The following NEK10 variants were observed in gnomAD, a reference collection of about 807,000 sequenced individuals.
NEK10 encodes serine/threonine-protein kinase Nek10.
In NEK10, 122 loss-of-function variants were observed where a neutral mutation model predicts 159.8. The ratio of observed to expected loss-of-function variants is 0.76; its 90% confidence interval spans 0.66 to 0.89. The LOEUF (loss-of-function observed/expected upper bound fraction) is 0.89, where lower values mean the gene tolerates loss of function less well. Ranked by LOEUF, NEK10 falls within the 40% of genes least tolerant of loss-of-function variation. The probability of loss-of-function intolerance (pLI) is 0.00; values close to 1 mark genes in which losing one functional copy is unlikely to be tolerated. For missense variants in NEK10, 1,342 were observed against 1,323.1 expected (o/e 1.01, Z -0.22); for synonymous variants, 466 against 457.1 (o/e 1.02, Z -0.25).
At chr3:27,139,067 G>A (rs1943517264) in intron 31 of NEK10, among the ~76,000 whole-genome samples, 1 of 152,184 alleles carries the variant, frequency 6.6e-6, no homozygotes, top group Admixed American at 6.5e-5. Flanking sequence ...TTCTGCTACA[G>A]TGCTGATATG....
At chr3:27,313,998 C>T (rs1015475537) in intron 7 of NEK10, among the ~76,000 whole-genome samples, 1 of 152,122 alleles carries the variant, frequency 6.6e-6, no homozygotes, top group African/African-American at 2.4e-5. Flanking sequence ...AGGTGTGAGC[C>T]ACCGCACCTG....
At chr3:27,237,120 C>G (rs111738379) in intron 23 of NEK10, among the ~76,000 whole-genome samples, 3,878 of 152,168 alleles carry the variant, frequency 0.025, 148 homozygotes, top group African/African-American at 0.088. Context: ...TTTATAGGCT[C>G]TCTGCAAGAA....
chr3:27,169,025 G>A (rs886551866), intron 29 of NEK10, among the ~76,000 whole-genome samples: 1 of 152,068 alleles, frequency 6.6e-6, no homozygotes, highest in African/African-American at 2.4e-5. Context: ...TTTTTGTTTG[G>A]TTTTGAAGGG....
At chr3:27,241,136 G>A (rs1954517549) in intron 23 of NEK10, among the ~76,000 whole-genome samples, 2 of 152,076 alleles carry the variant, frequency 1.3e-5, no homozygotes. Flanking sequence ...ACAGACTTCA[G>A]GGACATCTTT....
chr3:27,177,927 T>C (rs1575119910), intron 26 of NEK10, among the ~76,000 whole-genome samples: 1 of 152,250 alleles, frequency 6.6e-6, no homozygotes, highest in East Asian at 1.9e-4. Flanking sequence ...GCTATAATCT[T>C]TTTCACTTTC....
chr3:27,271,826 G>T (rs1372861572), intron 22 of NEK10, among the ~76,000 whole-genome samples: 1 of 151,398 alleles, frequency 6.6e-6, no homozygotes, highest in Non-Finnish European at 1.5e-5. Context: ...AATGACAATA[G>T]AAAACATTTT....
chr3:27,139,402 T>A (rs908420018), intron 31 of NEK10, among the ~76,000 whole-genome samples: 1 of 152,056 alleles, frequency 6.6e-6, no homozygotes, highest in African/African-American at 2.4e-5. Context: ...ACAATGAGGG[T>A]CAAATCCATA....
chr3:27,322,775 G>GT (rs1459187552), intron 5 of NEK10, among the ~76,000 whole-genome samples: 1 of 152,062 alleles, frequency 6.6e-6, no homozygotes, highest in Non-Finnish European at 1.5e-5. Flanking sequence ...TAGAGTACTT[G>GT]TTTTTTTATC....
At chr3:27,141,359 G>A in intron 31 of NEK10, 123 bp downstream of exon 31, 2 of 634,046 alleles carry the variant, frequency 3.2e-6, no homozygotes, top group South Asian at 2.5e-5. Context: ...GTCCCCACAT[G>A]TATGTAGCTG....
chr3:27,203,851 G>T (rs1035785063), intron 23 of NEK10, among the ~76,000 whole-genome samples: 1 of 152,120 alleles, frequency 6.6e-6, no homozygotes, highest in African/African-American at 2.4e-5. Flanking sequence ...ATGATTTCTA[G>T]GTCTATCAGT....
intron 23 of NEK10, among the ~76,000 whole-genome samples, chr3:27,234,165 T>C (rs775905635): frequency 2.6e-5 from 4 of 152,058 alleles, no homozygotes; most frequent in African/African-American, 4.8e-5. Flanking sequence ...TCCAATATTA[T>C]ACTAAATGGG....
At chr3:27,190,966 T>C (rs1488258569) in intron 26 of NEK10, among the ~76,000 whole-genome samples, 2 of 152,344 alleles carry the variant, frequency 1.3e-5, no homozygotes, top group East Asian at 3.9e-4. Flanking sequence ...TGGAATGTTC[T>C]GCAAAATTAC....
chr3:27,165,285 A>G (rs1164485212), intron 29 of NEK10, among the ~76,000 whole-genome samples: 1 of 152,232 alleles, frequency 6.6e-6, no homozygotes, highest in Non-Finnish European at 1.5e-5. Context: ...AAAATAGAAC[A>G]GACTCATTGT....
chr3:27,305,857 T>C (rs1241755646), intron 11 of NEK10, among the ~76,000 whole-genome samples: 6 of 152,088 alleles, frequency 3.9e-5, no homozygotes, highest in Non-Finnish European at 8.8e-5. Context: ...TCATCCTTAG[T>C]CCTCCAGTTT....
chr3:27,333,511 A>G (rs1220187176), intron 5 of NEK10, among the ~76,000 whole-genome samples: 2 of 151,446 alleles, frequency 1.3e-5, no homozygotes, highest in African/African-American at 4.9e-5. Context: ...GCATCATTGC[A>G]CGCCAGCCTG....
intron 5 of NEK10, 61 bp downstream of exon 5, chr3:27,344,211 G>T: frequency 1.3e-6 from 1 of 799,458 alleles, no homozygotes; most frequent in Non-Finnish European, 2.1e-6. Context: ...ATGTTCTAGA[G>T]ACAAGATAGA....
chr3:27,250,287 C>T (rs183622971), intron 23 of NEK10, among the ~76,000 whole-genome samples: 139 of 151,928 alleles, frequency 9.1e-4, no homozygotes, highest in African/African-American at 3.3e-3. Context: ...CCCAGGTTCA[C>T]GCCATTCTCC....
intron 23 of NEK10, chr3:27,206,561 T>C (rs1251064599): frequency 3.1e-6 from 3 of 981,736 alleles, no homozygotes. Context: ...TCATCTTCTC[T>C]TCATACTTTA....
chr3:27,251,039 T>A (rs1295540788), intron 23 of NEK10, among the ~76,000 whole-genome samples: 3 of 152,214 alleles, frequency 2.0e-5, no homozygotes, highest in South Asian at 2.1e-4. Context: ...GCTTACCATA[T>A]GCCAGCCAGG....
Sources: gnomAD v4.1 joint callset for allele counts (sites outside exome capture counted in the v4.1 genomes callset) on GRCh38, gnomAD v4.1.1 for gene constraint, MANE v1.5 for transcripts, NCBI Gene and HGNC (gene_info 2026-07-23, HGNC 2026-07-21) for gene names.